Variants in MUCL1 observed in about 807,000 individuals in gnomAD.
The protein encoded by MUCL1 is mucin like 1.
Under a neutral mutation model 9.2 loss-of-function variants are expected in MUCL1, and 11 were observed. The observed-to-expected ratio is 1.19, with a 90% CI of 0.75 to 1.97. The LOEUF is 1.97. Among genes scored for constraint, MUCL1 ranks in the 30% most tolerant of loss-of-function variants. The pLI is 0.00. For synonymous variants in MUCL1, 48 were observed against 40.5 expected (o/e 1.19, Z -0.71); for missense variants, 144 against 110.9 (o/e 1.30, Z -1.34).
chr12:54,839,303 T>C (rs1015125942), upstream of MUCL1: 5 of 693,620 alleles, frequency 7.2e-6, no homozygotes, highest in Non-Finnish European at 1.3e-5. Context: ...GGGGGTGTCT[T>C]GAAGCTTATC....
Position 54,856,896 on chromosome 12 carries a change from G to T in MUCL1, c.223+4G>T, listed in dbSNP as rs149677659. The T allele has an allele frequency of 6.2e-7, 1 of 1,613,630 alleles. No individual in the cohort carries two copies. The highest frequency in any genetic ancestry group is 1.3e-5 in the African/African-American group (1 of 74,998). On this transcript the variant is annotated splice_donor_region_variant and intron_variant, in intron 3 of 3. Coordinates refer to ENST00000308796, the MANE Select transcript of MUCL1 (RefSeq NM_058173.3). ...ACTGCTCGTAAAGACATTCCAGGTA[G>T]CAAGACTCCTCCATCTGTGTGCTTC...
At chr12:54,842,999 T>C (rs1023109697) in intron 1 of MUCL1, among the ~76,000 whole-genome samples, 1 of 152,170 alleles carries the variant, frequency 6.6e-6, no homozygotes, top group African/African-American at 2.4e-5. Context: ...TAACTTACAG[T>C]ATTCAGTGTA....
intron 1 of MUCL1, among the ~76,000 whole-genome samples, chr12:54,832,421 T>C (rs1229092167): frequency 4.6e-5 from 7 of 152,114 alleles, no homozygotes; most frequent in Admixed American, 1.3e-4. Flanking sequence ...ATTTCCTCTG[T>C]TTTATGTTGT....
intron 1 of MUCL1, among the ~76,000 whole-genome samples, chr12:54,842,911 T>C (rs532015691): frequency 2.0e-5 from 3 of 152,246 alleles, no homozygotes; most frequent in South Asian, 4.1e-4. Flanking sequence ...CCCCATAAGA[T>C]TATAATACCA....
upstream of MUCL1, chr12:54,854,476 C>T (rs1369385734): frequency 3.6e-6 from 3 of 828,538 alleles, no homozygotes; most frequent in Admixed American, 2.5e-5. Flanking sequence ...TGATTGGTGC[C>T]CTCTGCATAT....
intron 1 of MUCL1, among the ~76,000 whole-genome samples, chr12:54,840,201 C>T (rs1413986422): frequency 1.3e-5 from 2 of 152,126 alleles, no homozygotes; most frequent in African/African-American, 4.8e-5. Flanking sequence ...GGTACCAGGA[C>T]CAGTTCTGAT....
intron 1 of MUCL1, among the ~76,000 whole-genome samples, chr12:54,833,075 T>C (rs1263006843): frequency 6.6e-6 from 1 of 152,138 alleles, no homozygotes; most frequent in African/African-American, 2.4e-5. Flanking sequence ...TATTAATTTT[T>C]GATATCTAGA....
upstream of MUCL1, among the ~76,000 whole-genome samples, chr12:54,838,662 T>C (rs1178515745): frequency 6.6e-6 from 1 of 152,184 alleles, no homozygotes; most frequent in Non-Finnish European, 1.5e-5. Flanking sequence ...TTGAGTTAAT[T>C]CAAAAGGCTT....
At chr12:54,834,730 T>C (rs4759112), upstream of MUCL1, among the ~76,000 whole-genome samples, 79,344 of 151,630 alleles carry the variant, frequency 0.52, 21,228 homozygotes, top group East Asian at 0.86. Context: ...AAATTTTATA[T>C]ACTAAAAATA....
chr12:54,851,005 T>C (rs999490488), upstream of MUCL1, among the ~76,000 whole-genome samples: 1 of 152,074 alleles, frequency 6.6e-6, no homozygotes, highest in African/African-American at 2.4e-5. Flanking sequence ...GTTGATGGGG[T>C]TGTTTGTTTT....
At chr12:54,849,015 A>G (rs187050825) in intron 1 of MUCL1, among the ~76,000 whole-genome samples, 143 of 152,318 alleles carry the variant, frequency 9.4e-4, no homozygotes, top group Middle Eastern at 3.4e-3. Flanking sequence ...TCCTGTAAGC[A>G]GGTAATGCTA....
At chr12:54,842,681 A>T (rs1332860030) in intron 1 of MUCL1, among the ~76,000 whole-genome samples, 1 of 152,178 alleles carries the variant, frequency 6.6e-6, no homozygotes, top group Non-Finnish European at 1.5e-5. Flanking sequence ...AGTTGATTTT[A>T]AATTCTCATT....
intron 1 of MUCL1, among the ~76,000 whole-genome samples, chr12:54,833,153 C>T (rs1271872862): frequency 6.6e-6 from 1 of 151,946 alleles, no homozygotes; most frequent in Non-Finnish European, 1.5e-5. Context: ...TTTTCCTTGG[C>T]TTTTTATGTA....
intron 1 of MUCL1, among the ~76,000 whole-genome samples, chr12:54,841,595 ATG>A (rs1465764405): frequency 1.3e-5 from 2 of 152,144 alleles, no homozygotes; most frequent in African/African-American, 4.8e-5. Flanking sequence ...GAAATGAATG[ATG>A]TTGAACACCT....
Position 54,856,803 on chromosome 12 carries a change from AAACCACTGCTGCTGCAACCACTGC to A in MUCL1, c.148_171del (p.Ala50_Ala57del), listed in dbSNP as rs775257595. On this transcript the variant is annotated inframe_deletion, in exon 3 of 4. Coordinates refer to ENST00000308796, the MANE Select transcript of MUCL1 (RefSeq NM_058173.3). ...GCTGATGATGAAGCCCCTGATGCTG[AAACCACTGCTGCTGCAACCACTGC>A]AACCACTGCTGCTCCTACCACTGCA... 86 of 1,613,266 alleles carry A rather than the reference AAACCACTGCTGCTGCAACCACTGC, an allele frequency of 5.3e-5. No homozygotes were observed. The Middle Eastern group carries it at 1.7e-3, about 31-fold the overall frequency.
At chr12:54,849,913 G>T (rs761470434), upstream of MUCL1, among the ~76,000 whole-genome samples, 2 of 152,110 alleles carry the variant, frequency 1.3e-5, no homozygotes, top group Non-Finnish European at 2.9e-5. Flanking sequence ...GCCCCACGGG[G>T]CTCCCCTACA....
At chr12:54,843,955 A>G (rs1394630162) in intron 1 of MUCL1, among the ~76,000 whole-genome samples, 1 of 152,194 alleles carries the variant, frequency 6.6e-6, no homozygotes, top group Non-Finnish European at 1.5e-5. Context: ...CCTATCTTGC[A>G]TTCTTGAAAT....
At chr12:54,846,695 T>C (rs1463654167) in intron 1 of MUCL1, among the ~76,000 whole-genome samples, 1 of 137,996 alleles carries the variant, frequency 7.2e-6, no homozygotes, top group Non-Finnish European at 1.6e-5. Flanking sequence ...TTAGGAAAGA[T>C]CTTTCCTGGT....
intron 1 of MUCL1, among the ~76,000 whole-genome samples, chr12:54,846,356 C>T (rs10876631): frequency 0.45 from 68,795 of 152,056 alleles, 16,538 homozygotes; most frequent in East Asian, 0.83. Flanking sequence ...TCCTAGGGGT[C>T]TGACTACTGG....
Sources: allele counts gnomAD v4.1 joint callset (sites outside exome capture counted in the v4.1 genomes callset), GRCh38; gene constraint gnomAD v4.1.1; transcripts MANE v1.5; gene names NCBI Gene and HGNC (gene_info 2026-07-23, HGNC 2026-07-21).